RASEF: variants seen among roughly 807,000 people sequenced by gnomAD.
RASEF encodes the protein RAS and EF-hand domain containing.
RASEF carries 68 observed loss-of-function variants against 90.1 expected under a neutral mutation model. That is an observed-to-expected ratio of 0.75 (90% CI 0.62 to 0.92). The LOEUF is 0.92. RASEF is among the 40% of genes least tolerant of loss of function. The pLI is 0.00. For synonymous variants in RASEF, 331 were observed against 345.2 expected, an observed-to-expected ratio of 0.96 and a Z score of 0.46; for missense variants, 949 against 937.2, an observed-to-expected ratio of 1.01 and a Z score of -0.16.
At chr9:83,165,661 A>G in the RASEF span, among the ~76,000 whole-genome samples, 1 of 152,118 alleles carries the variant, frequency 6.6e-6, no homozygotes, top group African/African-American at 2.4e-5. Flanking sequence ...TAGAGCAAGA[A>G]TCAATGAAAT....
chr9:83,040,900 G>A (rs369051775), intron 1 of RASEF, among the ~76,000 whole-genome samples: 14 of 152,004 alleles, frequency 9.2e-5, no homozygotes, highest in Non-Finnish European at 1.5e-4. Context: ...CACTCTTGTC[G>A]CCCAGGCTGG....
the RASEF span, among the ~76,000 whole-genome samples, chr9:83,089,893 G>A: frequency 2.2e-4 from 3 of 13,372 alleles, no homozygotes; most frequent in Admixed American, 8.2e-4. Context: ...ATAGATAGAT[G>A]ATAGATAGAT....
At chr9:83,044,121 A>G (rs550261893) in intron 1 of RASEF, among the ~76,000 whole-genome samples, 54 of 152,270 alleles carry the variant, frequency 3.5e-4, no homozygotes, top group African/African-American at 1.2e-3. Flanking sequence ...ACCCATTCCT[A>G]CTGGAAAAAA....
chr9:83,045,626 ATC>A (rs1206669347), intron 1 of RASEF, among the ~76,000 whole-genome samples: 1 of 152,242 alleles, frequency 6.6e-6, no homozygotes, highest in East Asian at 1.9e-4. Flanking sequence ...CACAGAATCA[ATC>A]TGACATTCAT....
chr9:83,037,306 T>C (rs971607721), intron 1 of RASEF, among the ~76,000 whole-genome samples: 1 of 150,616 alleles, frequency 6.6e-6, no homozygotes, highest in Non-Finnish European at 1.5e-5. Context: ...TGCAATGAGA[T>C]GCTTCAAAAA....
intron 2 of RASEF, among the ~76,000 whole-genome samples, chr9:83,024,875 C>G (rs1033205717): frequency 6.6e-6 from 1 of 152,120 alleles, no homozygotes; most frequent in Non-Finnish European, 1.5e-5. Context: ...GGGCAGCCTC[C>G]TATTAAAAGG....
At chr9:83,080,171 A>G in the RASEF span, among the ~76,000 whole-genome samples, 1 of 152,208 alleles carries the variant, frequency 6.6e-6, no homozygotes, top group South Asian at 2.1e-4. Context: ...CCAGGTTTCA[A>G]TGCAAAAATT....
At chr9:83,087,427 C>CTCTCTCTCTCTCTCTCTCTCTCTCTT in the RASEF span, among the ~76,000 whole-genome samples, 1 of 151,472 alleles carries the variant, frequency 6.6e-6, no homozygotes, top group South Asian at 2.1e-4. Context: ...CTCTCTCTCT[C>CTCTCTCTCTCTCTCTCTCTCTCTCTT]TCTCTCTCTC....
the RASEF span, among the ~76,000 whole-genome samples, chr9:83,215,865 A>G: frequency 6.6e-6 from 1 of 152,204 alleles, no homozygotes; most frequent in Non-Finnish European, 1.5e-5. Flanking sequence ...GGAACTTCCT[A>G]GAGACTTATT....
the RASEF span, among the ~76,000 whole-genome samples, chr9:83,094,792 A>G: frequency 1.3e-5 from 2 of 152,368 alleles, no homozygotes; most frequent in South Asian, 4.1e-4. Context: ...TGGGACAATG[A>G]TACCTAATTA....
At chr9:83,080,962 C>A in the RASEF span, among the ~76,000 whole-genome samples, 6 of 152,008 alleles carry the variant, frequency 3.9e-5, no homozygotes, top group African/African-American at 1.4e-4. Flanking sequence ...ATAAATAAAG[C>A]ATATTCTTTG....
chr9:83,110,236 G>A, the RASEF span, among the ~76,000 whole-genome samples: 2 of 152,146 alleles, frequency 1.3e-5, no homozygotes, highest in Non-Finnish European at 2.9e-5. Flanking sequence ...AAAAGAATAT[G>A]AGGCAGACAT....
the RASEF span, among the ~76,000 whole-genome samples, chr9:83,147,536 G>A: frequency 1.3e-5 from 2 of 152,162 alleles, no homozygotes; most frequent in East Asian, 1.9e-4. Flanking sequence ...GCATGCAGAT[G>A]GGATGGTATA....
chr9:83,164,347 G>GTGTGTGTATATATA, the RASEF span, among the ~76,000 whole-genome samples: 38 of 129,974 alleles, frequency 2.9e-4, no homozygotes, highest in South Asian at 7.6e-4. Flanking sequence ...GTATATGTGT[G>GTGTGTGTATATATA]TATATATATA....
chr9:83,106,755 T>A, the RASEF span, among the ~76,000 whole-genome samples: 45 of 134,444 alleles, frequency 3.3e-4, no homozygotes, highest in Admixed American at 2.5e-3. Flanking sequence ...TTTTATTAAA[T>A]ATTCCCATTG....
At position 82,982,573 on chromosome 9, in the gene RASEF, T is replaced by C; in HGVS notation, c.*104A>G. 2.7e-6 allele frequency: 2 copies of C among 736,932 alleles called. No individual in the cohort carries two copies. The highest frequency in any genetic ancestry group is 2.5e-6 in the Non-Finnish European group (1 of 401,338). The allele number at this position is 736,932 out of a possible 1,614,324, so 45.6% of individuals were successfully genotyped here. On this transcript the variant is annotated 3_prime_UTR_variant, in exon 17 of 17. Coordinates refer to ENST00000376447, the MANE Select transcript of RASEF (RefSeq NM_152573.4). ...AGGTTTCCTGCACTGTAACTCTCCA[T>C]AGGACAGTGTCAGTAGGATGTGCCA...
intron 1 of RASEF, among the ~76,000 whole-genome samples, chr9:83,061,634 C>T (rs546411600): frequency 6.6e-6 from 1 of 152,276 alleles, no homozygotes; most frequent in South Asian, 2.1e-4. Context: ...CCCTCCAGGC[C>T]CTGAAATCCC....
intron 5 of RASEF, among the ~76,000 whole-genome samples, chr9:83,011,888 C>T (rs1413951757): frequency 6.6e-6 from 1 of 152,068 alleles, no homozygotes; most frequent in African/African-American, 2.4e-5. Context: ...AAATGCAAGC[C>T]TCACTCATTT....
the RASEF span, among the ~76,000 whole-genome samples, chr9:83,082,334 T>G: frequency 6.6e-6 from 1 of 152,214 alleles, no homozygotes; most frequent in African/African-American, 2.4e-5. Flanking sequence ...CCACTACCAT[T>G]GGTATCCCAG....
Sources: gnomAD v4.1 joint callset for allele counts (sites outside exome capture counted in the v4.1 genomes callset) on GRCh38, gnomAD v4.1.1 for gene constraint, MANE v1.5 for transcripts, NCBI Gene and HGNC (gene_info 2026-07-23, HGNC 2026-07-21) for gene names.